The following OSBP2 variants were observed in gnomAD, a reference collection of about 807,000 sequenced individuals.
OSBP2 encodes oxysterol-binding protein 2.
Under a neutral mutation model 96.0 loss-of-function variants are expected in OSBP2, and 66 were observed. The observed-to-expected ratio is 0.69, with a 90% CI of 0.56 to 0.84. The LOEUF is 0.84. Among genes scored for constraint, OSBP2 ranks in the 40% least tolerant of loss-of-function variants. The pLI is 0.00. For missense variants in OSBP2, 1,038 were observed against 1,222.7 expected (o/e 0.85, Z 2.25); for synonymous variants, 525 against 520.9 (o/e 1.01, Z -0.11).
At chr22:30,752,365 C>T (rs1007095869) in intron 2 of OSBP2, among the ~76,000 whole-genome samples, 2 of 122,014 alleles carry the variant, frequency 1.6e-5, no homozygotes, top group African/African-American at 6.3e-5. Flanking sequence ...GTGGCACCAT[C>T]TCGGCTCACT....
intron 2 of OSBP2, among the ~76,000 whole-genome samples, chr22:30,849,714 C>T (rs2038941260): frequency 6.6e-6 from 1 of 152,140 alleles, no homozygotes. Context: ...TTTCTGAGAT[C>T]ACATGATTTT....
At chr22:30,868,409 C>A in intron 2 of OSBP2, among the ~76,000 whole-genome samples, 1 of 152,262 alleles carries the variant, frequency 6.6e-6, no homozygotes, top group Admixed American at 6.5e-5. Flanking sequence ...TGGCCCAGCC[C>A]GTGTGGCCTC....
intron 2 of OSBP2, among the ~76,000 whole-genome samples, chr22:30,859,506 A>G (rs1033536557): frequency 1.3e-5 from 2 of 152,172 alleles, no homozygotes; most frequent in African/African-American, 4.8e-5. Context: ...GAAGCTAGGC[A>G]CCAGGCCGTG....
At chr22:30,793,929 T>C (rs1017424785) in intron 2 of OSBP2, among the ~76,000 whole-genome samples, 4 of 152,234 alleles carry the variant, frequency 2.6e-5, no homozygotes, top group Non-Finnish European at 4.4e-5. Context: ...AGTGTTCATT[T>C]ATGATGAATG....
chr22:30,905,829 C>A lies in OSBP2; in HGVS notation c.2376-8C>A. ...CAGCCACCGCCACCGCCACCACCAC[C>A]GCCACAGGGAGAACGCGGAGAACAT... On this transcript the variant is annotated splice_polypyrimidine_tract_variant and splice_region_variant and intron_variant, in intron 12 of 13. Coordinates refer to ENST00000332585, the MANE Select transcript of OSBP2 (RefSeq NM_030758.4). 2 of 1,612,586 alleles carry A rather than the reference C, an allele frequency of 1.2e-6. No individual in the cohort carries two copies.
intron 3 of OSBP2, among the ~76,000 whole-genome samples, chr22:30,879,039 G>A (rs2147129498): frequency 6.6e-6 from 1 of 152,342 alleles, no homozygotes; most frequent in East Asian, 1.9e-4. Context: ...GGCTTCTGAT[G>A]TGGGGCATCA....
At chr22:30,709,799 G>C (rs1289650197) in intron 1 of OSBP2, among the ~76,000 whole-genome samples, 1 of 152,012 alleles carries the variant, frequency 6.6e-6, no homozygotes, top group East Asian at 1.9e-4. Flanking sequence ...GCTTCCCAAA[G>C]TGCTGGTATT....
intron 2 of OSBP2, among the ~76,000 whole-genome samples, chr22:30,863,976 GTT>G (rs910786315): frequency 1.4e-5 from 2 of 143,690 alleles, no homozygotes; most frequent in African/African-American, 2.5e-5. Flanking sequence ...TTTTTTTGTT[GTT>G]TTTTTTTTTT....
intron 12 of OSBP2, among the ~76,000 whole-genome samples, chr22:30,905,174 C>T (rs2040303074): frequency 8.0e-6 from 1 of 124,786 alleles, no homozygotes; most frequent in Admixed American, 9.1e-5. Flanking sequence ...TAGACGGAGC[C>T]TCGAACTGTC....
intron 2 of OSBP2, among the ~76,000 whole-genome samples, chr22:30,840,084 A>T (rs1206705153): frequency 7.6e-6 from 1 of 131,628 alleles, no homozygotes; most frequent in African/African-American, 2.8e-5. Context: ...TTTCTTTTTT[A>T]GCATTGGGTG....
chr22:30,775,587 C>T (rs777503945), intron 2 of OSBP2, among the ~76,000 whole-genome samples: 1 of 152,094 alleles, frequency 6.6e-6, no homozygotes, highest in Non-Finnish European at 1.5e-5. Flanking sequence ...CCACTTCACT[C>T]CAGCTTGGGT....
intron 2 of OSBP2, among the ~76,000 whole-genome samples, chr22:30,823,053 C>T (rs1242602717): frequency 6.6e-6 from 1 of 152,254 alleles, no homozygotes; most frequent in African/African-American, 2.4e-5. Flanking sequence ...TCTTCTTCCC[C>T]AGAGTCGGCC....
intron 1 of OSBP2, among the ~76,000 whole-genome samples, chr22:30,709,006 A>C (rs534097989): frequency 1.4e-4 from 21 of 152,034 alleles, no homozygotes; most frequent in Middle Eastern, 6.8e-3. Context: ...AGGCTGAGGC[A>C]GGAGAATCAC....
In OSBP2 at chr22:30,778,303, G is replaced by GCACACACACACACA. The variant is rs34574171; in HGVS notation, c.853+36952_853+36965dup. ...CTGCTCATACTGCCCGTGTGCATGT[G>GCACACACACACACA]CACACACACACACACACACACACAC... is the stretch of plus-strand genomic sequence containing the variant. On this transcript the variant is annotated intron_variant, in intron 2 of 13. Transcript: ENST00000332585. Among the ~76,000 whole-genome samples the GCACACACACACACA allele has an allele frequency of 8.8e-3, 1,295 of 146,620 alleles. 10 individuals are homozygous for GCACACACACACACA. The highest frequency in any genetic ancestry group is 0.017 in the African/African-American group (680 of 39,946).
At chr22:30,817,381 G>T (rs1383034296) in intron 2 of OSBP2, among the ~76,000 whole-genome samples, 3 of 152,238 alleles carry the variant, frequency 2.0e-5, no homozygotes, top group African/African-American at 4.8e-5. Flanking sequence ...AGGCCAGGAG[G>T]GGGAAGTCAA....
chr22:30,791,132 T>A (rs932208209), intron 2 of OSBP2, among the ~76,000 whole-genome samples: 1 of 151,404 alleles, frequency 6.6e-6, no homozygotes, highest in African/African-American at 2.4e-5. Context: ...CCCACCACCA[T>A]GCCCAGCTAA....
intron 1 of OSBP2, among the ~76,000 whole-genome samples, chr22:30,715,705 GCCA>G (rs1384195292): frequency 1.3e-5 from 2 of 151,666 alleles, no homozygotes; most frequent in African/African-American, 2.4e-5. Context: ...ACAGGTGCCT[GCCA>G]CCATGTCCAG....
chr22:30,879,077 G>A (rs764177868), intron 3 of OSBP2, among the ~76,000 whole-genome samples: 3 of 152,200 alleles, frequency 2.0e-5, no homozygotes, highest in African/African-American at 2.4e-5. Flanking sequence ...ATCAGAAGGG[G>A]CCCCACTGCT....
intron 2 of OSBP2, among the ~76,000 whole-genome samples, chr22:30,761,249 A>T: frequency 6.6e-6 from 1 of 152,240 alleles, no homozygotes; most frequent in Non-Finnish European, 1.5e-5. Flanking sequence ...GAGTGAGTTT[A>T]ACAAGGTCAC....
Sources: allele counts gnomAD v4.1 joint callset (sites outside exome capture counted in the v4.1 genomes callset), GRCh38; gene constraint gnomAD v4.1.1; transcripts MANE v1.5; gene names NCBI Gene and HGNC (gene_info 2026-07-23, HGNC 2026-07-21).